The following PCNX2 variants were observed in gnomAD, a reference collection of about 807,000 sequenced individuals.
PCNX2 encodes the protein pecanex-like protein 2.
Under a neutral mutation model 223.8 loss-of-function variants are expected in PCNX2, and 168 were observed. The observed-to-expected ratio is 0.75, with a 90% CI of 0.66 to 0.85. The LOEUF is 0.85. Among genes scored for constraint, PCNX2 ranks in the 40% least tolerant of loss-of-function variants. The pLI is 0.00. For synonymous variants in PCNX2, 1,006 were observed against 1,052.6 expected (o/e 0.96, Z 0.86); for missense variants, 2,507 against 2,675.5 (o/e 0.94, Z 1.39).
chr1:233,233,085 G>C (rs189015787), intron 9 of PCNX2: 5 of 921,494 alleles, frequency 5.4e-6, no homozygotes, highest in Non-Finnish European at 6.5e-6. Context: ...TCAACCAGCA[G>C]TGTAATAAGC....
At chr1:233,180,594 T>C (rs1679733864) in intron 15 of PCNX2, among the ~76,000 whole-genome samples, 1 of 152,302 alleles carries the variant, frequency 6.6e-6, no homozygotes, top group South Asian at 2.1e-4. Context: ...TGCTTAGCAG[T>C]TGTCCACTGT....
intron 25 of PCNX2, among the ~76,000 whole-genome samples, chr1:233,038,467 C>T (rs111638660): frequency 5.3e-5 from 8 of 152,262 alleles, no homozygotes; most frequent in South Asian, 4.1e-4. Flanking sequence ...ATCCTGTTCA[C>T]GTTCAGCAAG....
intron 25 of PCNX2, among the ~76,000 whole-genome samples, chr1:233,053,905 C>G (rs541948697): frequency 5.3e-5 from 8 of 152,302 alleles, no homozygotes; most frequent in Admixed American, 4.6e-4. Flanking sequence ...CAACAGATCC[C>G]AACACCTGTG....
intron 25 of PCNX2, among the ~76,000 whole-genome samples, chr1:233,046,200 C>T (rs1671818117): frequency 6.6e-6 from 1 of 152,162 alleles, no homozygotes; most frequent in African/African-American, 2.4e-5. Context: ...CTTCAGTAGA[C>T]TTCAGGAGGG....
intron 25 of PCNX2, 85 bp from the exon 26 acceptor site, chr1:233,025,484 G>C (rs978136224): frequency 3.3e-6 from 5 of 1,523,904 alleles, no homozygotes; most frequent in Non-Finnish European, 4.4e-6. Flanking sequence ...GCCTTCATCA[G>C]AGGGGAAGAG....
At chr1:233,278,348 T>C (rs541052247) in intron 1 of PCNX2, among the ~76,000 whole-genome samples, 1 of 152,318 alleles carries the variant, frequency 6.6e-6, no homozygotes, top group East Asian at 1.9e-4. Flanking sequence ...CAGCAAGGCA[T>C]CAGGGCCCCC....
intron 21 of PCNX2, among the ~76,000 whole-genome samples, chr1:233,119,592 AAAAAAC>A (rs1303548556): frequency 6.9e-6 from 1 of 143,978 alleles, no homozygotes; most frequent in South Asian, 2.2e-4. Context: ...CTCAAAAAAA[AAAAAAC>A]AAAAACAAAA....
intron 15 of PCNX2, among the ~76,000 whole-genome samples, chr1:233,189,799 T>C (rs963936124): frequency 1.1e-4 from 17 of 152,250 alleles, no homozygotes; most frequent in Admixed American, 3.3e-4. Context: ...TTGTAAAGGA[T>C]AATAAAAAAT....
intron 21 of PCNX2, among the ~76,000 whole-genome samples, chr1:233,101,473 C>T (rs1402650163): frequency 6.6e-6 from 1 of 152,092 alleles, no homozygotes; most frequent in East Asian, 1.9e-4. Flanking sequence ...ACTCTCAGGC[C>T]AGAAGCAGAT....
chr1:233,263,451 CA>C (rs1660166275), intron 1 of PCNX2, among the ~76,000 whole-genome samples: 1 of 135,490 alleles, frequency 7.4e-6, no homozygotes, highest in African/African-American at 2.8e-5. Context: ...GAAACCTCTC[CA>C]TTTTTTTTTT....
intron 23 of PCNX2, among the ~76,000 whole-genome samples, chr1:233,077,206 T>A (rs1673132386): frequency 6.6e-6 from 1 of 152,224 alleles, no homozygotes; most frequent in Admixed American, 6.5e-5. Context: ...TCAGTACATC[T>A]GGGTATAGAT....
At chr1:233,064,532 T>TTA (rs1672520189) in intron 23 of PCNX2, among the ~76,000 whole-genome samples, 1 of 152,190 alleles carries the variant, frequency 6.6e-6, no homozygotes, top group Non-Finnish European at 1.5e-5. Flanking sequence ...TTTCTGCTTC[T>TTA]GTAGGACTAA....
At position 233,232,424 on chromosome 1, in the gene PCNX2, A is replaced by C. The variant is rs184679556; in HGVS notation, c.2358+4421T>G. Among the ~76,000 whole-genome samples, 394 of 152,306 alleles carry C rather than the reference A, an allele frequency of 2.6e-3. 3 individuals carry two copies. Among genetic ancestry groups the C allele is most frequent in the African/African-American group, 9.3e-3 (385 of 41,580 alleles). Reference sequence around the variant, plus strand: ...TCAGTAGGTTAGATGTATTAAATGCATTTTCAACTTACGATATTTTCAACT... The same window carrying C: ...TCAGTAGGTTAGATGTATTAAATGCCTTTTCAACTTACGATATTTTCAACT... On this transcript the variant is annotated intron_variant, in intron 9 of 33. Coordinates refer to ENST00000258229, the MANE Select transcript of PCNX2 (RefSeq NM_014801.4).
chr1:233,142,712 G>A (rs546853044), intron 19 of PCNX2, among the ~76,000 whole-genome samples: 1 of 152,252 alleles, frequency 6.6e-6, no homozygotes, highest in South Asian at 2.1e-4. Flanking sequence ...GCCCTGACAT[G>A]CATGTGGCAG....
intron 17 of PCNX2, among the ~76,000 whole-genome samples, chr1:233,162,001 C>T (rs1385657666): frequency 1.4e-5 from 2 of 148,066 alleles, no homozygotes; most frequent in Admixed American, 6.8e-5. Context: ...TTTATATATA[C>T]ATGTATGTTT....
chr1:232,996,482 G>C (rs1190723016), intron 32 of PCNX2, among the ~76,000 whole-genome samples: 1 of 151,658 alleles, frequency 6.6e-6, no homozygotes, highest in Non-Finnish European at 1.5e-5. Context: ...CCTCCAGCAG[G>C]TGTCCTGCAG....
chr1:233,198,872 T>C, intron 15 of PCNX2, 67 bp downstream of exon 15: 1 of 1,416,824 alleles, frequency 7.1e-7, no homozygotes, highest in Non-Finnish European at 9.7e-7. Context: ...AAAACATTCA[T>C]TTGTTTAAAA....
chr1:233,267,887 G>A (rs1660426594), intron 1 of PCNX2, among the ~76,000 whole-genome samples: 1 of 152,058 alleles, frequency 6.6e-6, no homozygotes, highest in Non-Finnish European at 1.5e-5. Context: ...CCCCAAAAGA[G>A]GAATATCTGG....
At chr1:233,280,827 C>A (rs952044011) in intron 1 of PCNX2, among the ~76,000 whole-genome samples, 4 of 152,076 alleles carry the variant, frequency 2.6e-5, no homozygotes, top group African/African-American at 9.7e-5. Context: ...AGTTATTTAG[C>A]CTTTGTAAAT....
Sources: gnomAD v4.1 joint callset for allele counts (sites outside exome capture counted in the v4.1 genomes callset) on GRCh38, gnomAD v4.1.1 for gene constraint, MANE v1.5 for transcripts, NCBI Gene and HGNC (gene_info 2026-07-23, HGNC 2026-07-21) for gene names.